PRDM16: variants seen among roughly 807,000 people sequenced by gnomAD.
The protein encoded by PRDM16 is PR/SET domain 16.
Under a neutral mutation model 110.6 loss-of-function variants are expected in PRDM16, and 23 were observed. That is an observed-to-expected ratio of 0.21 (90% confidence interval 0.15 to 0.29). PRDM16 has a LOEUF of 0.29. PRDM16 is among the 10% of genes least tolerant of loss of function. PRDM16 has a pLI of 1.00. For missense variants in PRDM16, 1,615 were observed against 1,794.3 expected (o/e 0.90, Z 1.81); for synonymous variants, 799 against 781.8 (o/e 1.02, Z -0.37).
intron 1 of PRDM16, among the ~76,000 whole-genome samples, chr1:3,120,086 A>G (rs1383108572): frequency 7.2e-6 from 1 of 138,668 alleles, no homozygotes; most frequent in African/African-American, 3.0e-5. Context: ...TCTGCCCACC[A>G]CCAGCCCTTA....
intron 2 of PRDM16, among the ~76,000 whole-genome samples, chr1:3,199,020 G>A (rs1032205679): frequency 5.9e-5 from 9 of 152,120 alleles, no homozygotes; most frequent in Non-Finnish European, 1.0e-4. Flanking sequence ...GAACAAAGTC[G>A]AAATGACCTT....
chr1:3,185,408 C>T (rs1314670491), intron 1 of PRDM16, among the ~76,000 whole-genome samples: 1 of 152,168 alleles, frequency 6.6e-6, no homozygotes, highest in Non-Finnish European at 1.5e-5. Context: ...CCAGCCTCCC[C>T]AAGACCCAGC....
At chr1:3,381,354 C>T (rs1643098609) in intron 3 of PRDM16, among the ~76,000 whole-genome samples, 1 of 151,370 alleles carries the variant, frequency 6.6e-6, no homozygotes, top group African/African-American at 2.4e-5. Context: ...GGGAGAGCCC[C>T]AAGGCCTGGA....
intron 3 of PRDM16, among the ~76,000 whole-genome samples, chr1:3,338,033 A>G (rs921391657): frequency 1.3e-5 from 2 of 152,182 alleles, no homozygotes; most frequent in African/African-American, 4.8e-5. Context: ...ACATGTGCAC[A>G]CATATAGACA....
chr1:3,309,042 G>A (rs771476015), intron 3 of PRDM16: 1 of 152,190 alleles, frequency 6.6e-6, no homozygotes, highest in Non-Finnish European at 1.5e-5. Context: ...GAAAGGATGA[G>A]CAGCCCTAGC....
At chr1:3,407,121 G>A (rs945419855) in intron 8 of PRDM16, among the ~76,000 whole-genome samples, 1 of 152,194 alleles carries the variant, frequency 6.6e-6, no homozygotes, top group Non-Finnish European at 1.5e-5. Context: ...CGGGGTGCTG[G>A]GAGCTTGGGA....
chr1:3,382,040 G>A lies in PRDM16; in HGVS notation c.439-3112G>A, dbSNP rs893393652. Among the ~76,000 whole-genome samples the A allele has an allele frequency of 1.2e-4, 18 of 152,346 alleles. No homozygotes were observed. Among genetic ancestry groups the A allele is most frequent in the South Asian group, 4.1e-4 (2 of 4,826 alleles). On this transcript the variant is annotated intron_variant, in intron 3 of 16. Coordinates refer to ENST00000270722, the MANE Select transcript of PRDM16 (RefSeq NM_022114.4). This position sits in a 1 kb window ranked among gnomAD's most constrained non-coding sequence, Gnocchi z 6.6. ...CTTCCTGTGGCAGAGGAAGATGGCA[G>A]GGCTGCCGACCACAGCTCTGGCTTG... is the stretch of plus-strand genomic sequence containing the variant.
intron 9 of PRDM16, among the ~76,000 whole-genome samples, chr1:3,413,036 G>A (rs562833248): frequency 1.5e-4 from 23 of 152,240 alleles, no homozygotes; most frequent in Non-Finnish European, 2.2e-4. Context: ...AGGCCAGGAC[G>A]GGTGCTCCTG....
chr1:3,337,718 C>T (rs1002662109), intron 3 of PRDM16, among the ~76,000 whole-genome samples: 1 of 152,188 alleles, frequency 6.6e-6, no homozygotes, highest in Admixed American at 6.5e-5. Context: ...TGCGGTTTTC[C>T]ATTTGGTCTC....
At chr1:3,272,271 G>C (rs1201793043) in intron 3 of PRDM16, among the ~76,000 whole-genome samples, 1 of 152,238 alleles carries the variant, frequency 6.6e-6, no homozygotes, top group African/African-American at 2.4e-5. Context: ...GTTGGCTGTA[G>C]TCGGGCGCTT....
At chr1:3,297,517 C>T (rs1641116301) in intron 3 of PRDM16, among the ~76,000 whole-genome samples, 1 of 152,140 alleles carries the variant, frequency 6.6e-6, no homozygotes, top group Admixed American at 6.5e-5. Flanking sequence ...CTCCTGACCT[C>T]AGGTGATCCA....
At chr1:3,071,600 C>T (rs1406650486) in intron 1 of PRDM16, among the ~76,000 whole-genome samples, 1 of 152,266 alleles carries the variant, frequency 6.6e-6, no homozygotes, top group African/African-American at 2.4e-5. Flanking sequence ...TGAAGAATTT[C>T]ATTTCATCAG....
At position 3,436,783 on chromosome 1, in the gene PRDM16, G is replaced by A. The variant is rs1037377336; in HGVS notation, c.*2972G>A. 5 of 233,084 alleles carry A rather than the reference G, an allele frequency of 2.1e-5. No homozygotes were observed. Among genetic ancestry groups the A allele is most frequent in the African/African-American group, 1.1e-4 (5 of 45,336 alleles). The allele number at this position is 233,084 out of a possible 1,614,324, so 14.4% of individuals were successfully genotyped here. ...AACTGTGCAGCATGGACAGGGATGC[G>A]ACGGGGCAGCTGGCTGTGTCCATGG... On this transcript the variant is annotated 3_prime_UTR_variant, in exon 17 of 17. Coordinates refer to ENST00000270722, the MANE Select transcript of PRDM16 (RefSeq NM_022114.4).
At chr1:3,323,042 G>A (rs949777088) in intron 3 of PRDM16, among the ~76,000 whole-genome samples, 5 of 152,168 alleles carry the variant, frequency 3.3e-5, no homozygotes, top group African/African-American at 9.7e-5. Context: ...GTGCTTCTGC[G>A]ACACCCGAGC....
At chr1:3,249,542 C>A (rs1105111) in intron 3 of PRDM16, among the ~76,000 whole-genome samples, 23,915 of 141,742 alleles carry the variant, frequency 0.17, 2,043 homozygotes, top group Middle Eastern at 0.26. Context: ...ACTTTATTAC[C>A]AAAAAAGAAA....
rs1262313959 is a variant in PRDM16 at position 3,244,897 on chromosome 1, G to A, written c.438+760G>A. Among the ~76,000 whole-genome samples, 6 of 152,206 alleles carry A rather than the reference G, an allele frequency of 3.9e-5. No homozygotes were observed. The highest frequency in any genetic ancestry group is 5.9e-5 in the Non-Finnish European group (4 of 68,036). The stretch of plus-strand genomic sequence containing the variant: ...GCATTGCCTGCACGCACACACAGAC[G>A]TCCACAGACACAGCACGCTCACACG... On this transcript the variant is annotated intron_variant, in intron 3 of 16. Transcript: ENST00000270722. The surrounding 1 kb of genome is among the most constrained non-coding windows in gnomAD (Gnocchi z 4.1).
chr1:3,273,510 T>C (rs752095075), intron 3 of PRDM16, among the ~76,000 whole-genome samples: 2 of 151,952 alleles, frequency 1.3e-5, no homozygotes, highest in Non-Finnish European at 2.9e-5. Context: ...TCTATAAGGG[T>C]ACATGTCCAT....
chr1:3,374,639 G>A (rs894814250), intron 3 of PRDM16, among the ~76,000 whole-genome samples: 7 of 152,214 alleles, frequency 4.6e-5, no homozygotes, highest in Non-Finnish European at 7.3e-5. Flanking sequence ...AGACCCTCCG[G>A]AAGGGGGAGG....
At chr1:3,428,601 AG>A (rs1260515332) in intron 14 of PRDM16, among the ~76,000 whole-genome samples, 1 of 152,216 alleles carries the variant, frequency 6.6e-6, no homozygotes, top group Non-Finnish European at 1.5e-5. Context: ...GAACAGGGCA[AG>A]GTGGACATAG....
Sources: allele counts gnomAD v4.1 joint callset (sites outside exome capture counted in the v4.1 genomes callset), GRCh38; gene constraint gnomAD v4.1.1; non-coding constraint Gnocchi (gnomAD v3.1); transcripts MANE v1.5; gene names NCBI Gene and HGNC (gene_info 2026-07-23, HGNC 2026-07-21).